CENPP: variants seen among roughly 807,000 people sequenced by gnomAD.
The protein encoded by CENPP is centromere protein P.
In CENPP, 24 loss-of-function variants were observed where a neutral mutation model predicts 35.6. That is an observed-to-expected ratio of 0.67 (90% confidence interval 0.49 to 0.95). The LOEUF is 0.95. Ranked by LOEUF, CENPP falls within the 40% of genes least tolerant of loss-of-function variation. The probability of loss-of-function intolerance (pLI) is 0.00; values close to 1 mark genes in which losing one functional copy is unlikely to be tolerated. For missense variants in CENPP, 332 were observed against 345.3 expected (o/e 0.96, Z 0.31); for synonymous variants, 120 against 125.5 (o/e 0.96, Z 0.29).
At chr9:92,399,259 G>A (rs1171111594) in intron 5 of CENPP, among the ~76,000 whole-genome samples, 1 of 151,904 alleles carries the variant, frequency 6.6e-6, no homozygotes, top group East Asian at 1.9e-4. Context: ...AATCAGATAG[G>A]TTAAAAATGG....
chr9:92,547,600 G>T (rs1246059386), intron 5 of CENPP, among the ~76,000 whole-genome samples: 1 of 152,196 alleles, frequency 6.6e-6, no homozygotes, highest in Non-Finnish European at 1.5e-5. Context: ...CGTATGAAAT[G>T]TCCAAAATAG....
intron 5 of CENPP, among the ~76,000 whole-genome samples, chr9:92,610,028 AC>A (rs1851193440): frequency 6.6e-6 from 1 of 151,472 alleles, no homozygotes; most frequent in African/African-American, 2.4e-5. Flanking sequence ...TGAGCCACCC[AC>A]CGCACCCAGC....
intron 5 of CENPP, among the ~76,000 whole-genome samples, chr9:92,559,114 C>A (rs777515015): frequency 1.3e-5 from 2 of 152,182 alleles, no homozygotes; most frequent in Non-Finnish European, 2.9e-5. Context: ...ACTGGATTCG[C>A]GCCCTCCCCC....
rs1554685746 is a variant in CENPP at position 92,548,224 on chromosome 9, T to TTTTGA, written c.565-63088_565-63087insTGATT. The stretch of plus-strand genomic sequence containing the variant: ...GCTGATGGTTCTGCTTTGTGGGGTC[T>TTTTGA]TTCACTGCTGTGGCATCATGAAAGC... On this transcript the variant is annotated intron_variant, in intron 5 of 7. Transcript: ENST00000375587. Among the ~76,000 whole-genome samples the TTTTGA allele has an allele frequency of 5.0e-4, 76 of 151,760 alleles. 1 individual carries two copies. In the Middle Eastern group the frequency reaches 0.014, roughly 27 times the overall value.
chr9:92,479,795 C>G (rs1273946693), intron 5 of CENPP, among the ~76,000 whole-genome samples: 1 of 152,136 alleles, frequency 6.6e-6, no homozygotes, highest in Non-Finnish European at 1.5e-5. Flanking sequence ...ATGAGGAATT[C>G]ATTATTTACA....
chr9:92,452,885 A>G (rs796863248), intron 5 of CENPP, among the ~76,000 whole-genome samples: 4,647 of 152,050 alleles, frequency 0.031, 109 homozygotes, highest in South Asian at 0.083. Flanking sequence ...GTTTATTTGC[A>G]TAGAGGTGTT....
intron 5 of CENPP, chr9:92,456,087 AAAGTAATAAT>A (rs1844868397): frequency 6.6e-6 from 1 of 152,230 alleles, no homozygotes; most frequent in African/African-American, 2.4e-5. Flanking sequence ...AACAAAACAA[AAAGTAATAAT>A]AATTGACATT....
chr9:92,608,608 G>A (rs1306623143), intron 5 of CENPP, among the ~76,000 whole-genome samples: 1 of 152,124 alleles, frequency 6.6e-6, no homozygotes, highest in Non-Finnish European at 1.5e-5. Context: ...ACCTGTACAT[G>A]TGTGCCAATG....
rs923897634 is a variant in CENPP, at chr9:92,514,158, C to A, written c.565-97156C>A. ...TTTTTTTTTTTAAGAGACAGGATCT[C>A]GCTCTGTTGCCTAGACTAGTCTGAA... On this transcript the variant is annotated intron_variant, in intron 5 of 7. Coordinates refer to ENST00000375587, the MANE Select transcript of CENPP (RefSeq NM_001012267.3). Among the ~76,000 whole-genome samples the A allele has an allele frequency of 1.3e-5, 2 of 148,768 alleles. 1 individual carries two copies. The highest frequency in any genetic ancestry group is 4.2e-4 in the South Asian group (2 of 4,734).
At chr9:92,389,936 G>A in intron 5 of CENPP, 1 of 1,612,926 alleles carries the variant, frequency 6.2e-7, no homozygotes, top group South Asian at 1.1e-5. Context: ...AGGAAGAACT[G>A]GAAGTTTTAG....
At chr9:92,461,605 C>G (rs1212916768) in intron 5 of CENPP, among the ~76,000 whole-genome samples, 1 of 152,150 alleles carries the variant, frequency 6.6e-6, no homozygotes, top group Admixed American at 6.6e-5. Context: ...CCCTGGTAGT[C>G]AGATGCAGAG....
intron 5 of CENPP, among the ~76,000 whole-genome samples, chr9:92,606,304 C>A (rs936408261): frequency 3.9e-5 from 6 of 151,908 alleles, no homozygotes; most frequent in Non-Finnish European, 8.8e-5. Flanking sequence ...AACATTTCTC[C>A]AAAGAAGGTA....
chr9:92,478,849 C>A (rs1386400466), intron 5 of CENPP, among the ~76,000 whole-genome samples: 1 of 151,588 alleles, frequency 6.6e-6, no homozygotes, highest in East Asian at 1.9e-4. Flanking sequence ...ATAATATATC[C>A]AAAATGTAGA....
chr9:92,350,262 A>G (rs1841409358), intron 4 of CENPP, among the ~76,000 whole-genome samples: 1 of 152,232 alleles, frequency 6.6e-6, no homozygotes, highest in Admixed American at 6.5e-5. Flanking sequence ...AAAGAAATCC[A>G]TGACATCTGT....
Position 92,555,945 on chromosome 9 carries a change from G to A in CENPP, c.565-55369G>A, listed in dbSNP as rs557630093. Among the ~76,000 whole-genome samples the A allele has an allele frequency of 1.8e-4, 28 of 151,950 alleles. No homozygotes were observed. The South Asian group carries it at 2.3e-3, about 12-fold the overall frequency. Reference sequence around the variant, plus strand: ...CTTTCTTCTGCTGGGTCTGTGTTTCGTTTGTTCTTGTTTCTCTAGTTCCTT... The same window carrying A: ...CTTTCTTCTGCTGGGTCTGTGTTTCATTTGTTCTTGTTTCTCTAGTTCCTT... On this transcript the variant is annotated intron_variant, in intron 5 of 7. Transcript: ENST00000375587.
chr9:92,377,839 C>T (rs1372282798), intron 4 of CENPP, among the ~76,000 whole-genome samples: 2 of 152,086 alleles, frequency 1.3e-5, no homozygotes, highest in Non-Finnish European at 2.9e-5. Flanking sequence ...TTATTCTATA[C>T]TATAATTCAG....
intron 5 of CENPP, among the ~76,000 whole-genome samples, chr9:92,392,345 C>T (rs200573737): frequency 3.9e-5 from 6 of 152,088 alleles, no homozygotes; most frequent in Non-Finnish European, 5.9e-5. Context: ...ACTTCCCTGC[C>T]GGGCATGGTG....
In CENPP at chr9:92,614,457, A is replaced by AAAC. The variant is rs1851368820; in HGVS notation, c.*1310_*1312dup. The stretch of plus-strand genomic sequence containing the variant: ...GACGGTGTCATTGGAAGTGAGAAGA[A>AAAC]AACAGTAAAAGTGTCCAGTTAGATA... On this transcript the variant is annotated 3_prime_UTR_variant, in exon 8 of 8. Coordinates refer to ENST00000375587, the MANE Select transcript of CENPP (RefSeq NM_001012267.3). 1 of 152,518 alleles carries AAAC rather than the reference A, an allele frequency of 6.6e-6. No individual in the cohort carries two copies. Among genetic ancestry groups the AAAC allele is most frequent in the African/African-American group, 2.4e-5 (1 of 41,474 alleles). The allele number at this position is 152,518 out of a possible 1,614,324, so 9.4% of individuals were successfully genotyped here. A position where few individuals can be genotyped will look rare whatever the true frequency, so the allele number is the denominator to read the frequency against.
At chr9:92,332,433 T>A in intron 2 of CENPP, 82 bp downstream of exon 2, 1 of 923,900 alleles carries the variant, frequency 1.1e-6, no homozygotes, top group Non-Finnish European at 1.6e-6. Context: ...AATATTGAAT[T>A]AAAATTCTAC....
Sources: gnomAD v4.1 joint callset for allele counts (sites outside exome capture counted in the v4.1 genomes callset) on GRCh38, gnomAD v4.1.1 for gene constraint, MANE v1.5 for transcripts, NCBI Gene and HGNC (gene_info 2026-07-23, HGNC 2026-07-21) for gene names.